Variants in HECTD2 observed in about 807,000 individuals in gnomAD.
The protein encoded by HECTD2 is probable E3 ubiquitin-protein ligase HECTD2.
In HECTD2, 35 loss-of-function variants were observed where a neutral mutation model predicts 103.2. That is an observed-to-expected ratio of 0.34 (90% confidence interval 0.26 to 0.45). HECTD2 has a LOEUF of 0.45. Among genes scored for constraint, HECTD2 ranks in the 20% least tolerant of loss-of-function variants. HECTD2 has a pLI of 1.00. For missense variants in HECTD2, 596 were observed against 937.4 expected, an observed-to-expected ratio of 0.64 and a Z score of 4.76; for synonymous variants, 281 against 329.9, an observed-to-expected ratio of 0.85 and a Z score of 1.61.
chr10:91,414,782 G>C (rs1214459211), intron 1 of HECTD2, among the ~76,000 whole-genome samples: 4 of 152,212 alleles, frequency 2.6e-5, no homozygotes, highest in Non-Finnish European at 4.4e-5. Context: ...AAATTAGTGA[G>C]TAATAAAGCG....
At chr10:91,430,994 G>C (rs913618365) in intron 2 of HECTD2, among the ~76,000 whole-genome samples, 2 of 151,242 alleles carry the variant, frequency 1.3e-5, no homozygotes, top group African/African-American at 4.9e-5. Flanking sequence ...TTACATTTTG[G>C]CATGATTTTG....
chr10:91,423,704 A>C (rs1843444568), intron 1 of HECTD2, among the ~76,000 whole-genome samples: 1 of 152,026 alleles, frequency 6.6e-6, no homozygotes, highest in Admixed American at 6.6e-5. Context: ...GAGACTTCTT[A>C]ATTCTATGTG....
intron 15 of HECTD2, among the ~76,000 whole-genome samples, 170 bp from the exon 16 acceptor site, chr10:91,497,938 A>AT (rs906035387): frequency 9.9e-5 from 15 of 152,002 alleles, no homozygotes; most frequent in Non-Finnish European, 1.8e-4. Flanking sequence ...ACCTATAATG[A>AT]TTTTTTTCTT....
chr10:91,445,752 AG>A (rs1200389701), intron 2 of HECTD2, among the ~76,000 whole-genome samples: 3 of 152,116 alleles, frequency 2.0e-5, no homozygotes, highest in Non-Finnish European at 4.4e-5. Flanking sequence ...AAGCAAGGTG[AG>A]GCTTTGCCAC....
At chr10:91,439,031 C>T (rs61877873) in intron 2 of HECTD2, among the ~76,000 whole-genome samples, 4 of 151,994 alleles carry the variant, frequency 2.6e-5, no homozygotes, top group Non-Finnish European at 5.9e-5. Context: ...TAGGTTGCCT[C>T]TTCACTCTGA....
chr10:91,464,271 T>C (rs1589512757), intron 5 of HECTD2, among the ~76,000 whole-genome samples: 2 of 152,322 alleles, frequency 1.3e-5, no homozygotes, highest in East Asian at 3.9e-4. Flanking sequence ...AAATCAGAGC[T>C]GGCCAAGGAT....
intron 18 of HECTD2, 119 bp from the exon 19 acceptor site, chr10:91,500,383 A>G: frequency 2.1e-6 from 1 of 480,822 alleles, no homozygotes; most frequent in Non-Finnish European, 3.8e-6. Context: ...TTCAACAAAA[A>G]TGGTTTGATT....
At chr10:91,428,633 G>T (rs924221853) in intron 2 of HECTD2, among the ~76,000 whole-genome samples, 1 of 151,936 alleles carries the variant, frequency 6.6e-6, no homozygotes, top group African/African-American at 2.4e-5. Context: ...TATTCTCTTT[G>T]AAGCAATTGT....
At chr10:91,502,799 A>AC (rs1449278500) in intron 20 of HECTD2, among the ~76,000 whole-genome samples, 1 of 152,176 alleles carries the variant, frequency 6.6e-6, no homozygotes, top group Non-Finnish European at 1.5e-5. Context: ...TACAAAGGTG[A>AC]CATTACTTCT....
At chr10:91,508,971 G>T (rs1180978558) in intron 20 of HECTD2, among the ~76,000 whole-genome samples, 3 of 151,938 alleles carry the variant, frequency 2.0e-5, no homozygotes, top group African/African-American at 7.3e-5. Context: ...CATGTCCTTT[G>T]TAGGGATATG....
intron 1 of HECTD2, among the ~76,000 whole-genome samples, chr10:91,418,056 A>G (rs1843203084): frequency 6.6e-6 from 1 of 152,126 alleles, no homozygotes; most frequent in Admixed American, 6.5e-5. Flanking sequence ...ATGATCGCCA[A>G]TGAATGTGCC....
intron 19 of HECTD2, 86 bp downstream of exon 19, chr10:91,500,703 T>G (rs1441951245): frequency 1.5e-6 from 1 of 660,112 alleles, no homozygotes; most frequent in African/African-American, 1.8e-5. Context: ...ACTTACAATC[T>G]TTGAATCAAT....
chr10:91,458,995 A>G (rs1262601847), intron 2 of HECTD2, among the ~76,000 whole-genome samples: 1 of 152,004 alleles, frequency 6.6e-6, no homozygotes, highest in African/African-American at 2.4e-5. Flanking sequence ...AGGGACTATT[A>G]TCTAAACTAT....
chr10:91,449,305 C>A (rs113658584), intron 2 of HECTD2, among the ~76,000 whole-genome samples: 8 of 152,220 alleles, frequency 5.3e-5, no homozygotes, highest in African/African-American at 1.9e-4. Context: ...CACTTAATTA[C>A]CTCAATAGAT....
chr10:91,492,221 A>G, intron 12 of HECTD2, 131 bp from the exon 13 acceptor site: 1 of 813,712 alleles, frequency 1.2e-6, no homozygotes, highest in Non-Finnish European at 2.0e-6. Flanking sequence ...TTTATTGGAT[A>G]AATGGAGGGA....
intron 6 of HECTD2, among the ~76,000 whole-genome samples, chr10:91,478,994 GA>G (rs1846000203): frequency 6.6e-6 from 1 of 152,092 alleles, no homozygotes; most frequent in African/African-American, 2.4e-5. Flanking sequence ...AGAGAAGGCA[GA>G]GAAGTATAAA....
intron 5 of HECTD2, among the ~76,000 whole-genome samples, chr10:91,474,469 A>G (rs1292426314): frequency 1.3e-5 from 2 of 152,218 alleles, no homozygotes; most frequent in African/African-American, 4.8e-5. Flanking sequence ...GTTGTTACTA[A>G]CTTCAGAAGA....
chr10:91,469,425 A>G (rs1332611424), intron 5 of HECTD2, among the ~76,000 whole-genome samples: 2 of 152,224 alleles, frequency 1.3e-5, no homozygotes, highest in East Asian at 3.8e-4. Flanking sequence ...ACCCTTCAAG[A>G]CAGAAGAGAT....
intron 20 of HECTD2, among the ~76,000 whole-genome samples, chr10:91,501,566 C>T (rs1247169277): frequency 2.0e-5 from 3 of 152,028 alleles, no homozygotes; most frequent in Non-Finnish European, 4.4e-5. Context: ...TTTGCTAGGT[C>T]ATATAAGTGC....
Sources: gnomAD v4.1 joint callset for allele counts (sites outside exome capture counted in the v4.1 genomes callset) on GRCh38, gnomAD v4.1.1 for gene constraint, MANE v1.5 for transcripts, NCBI Gene and HGNC (gene_info 2026-07-23, HGNC 2026-07-21) for gene names.